Variants in PCDHAC1 observed in about 807,000 individuals in gnomAD.
The protein encoded by PCDHAC1 is protocadherin alpha-C1.
A neutral mutation model predicts 60.0 loss-of-function variants in PCDHAC1; 42 were observed. The ratio of observed to expected loss-of-function variants is 0.70; its 90% CI spans 0.55 to 0.90. The LOEUF (loss-of-function observed/expected upper bound fraction) is 0.90, where lower values mean the gene tolerates loss of function less well. Ranked by LOEUF, PCDHAC1 falls within the 40% of genes least tolerant of loss-of-function variation. The probability of loss-of-function intolerance (pLI) is 0.00; values close to 1 mark genes in which losing one functional copy is unlikely to be tolerated. For synonymous variants in PCDHAC1, 468 were observed against 499.3 expected (o/e 0.94, Z 0.84); for missense variants, 1,160 against 1,222.3 (o/e 0.95, Z 0.76).
intron 1 of PCDHAC1, among the ~76,000 whole-genome samples, chr5:140,941,255 C>CTTTCTTTCTT (rs782490896): frequency 0.012 from 539 of 44,464 alleles, 5 homozygotes; most frequent in Middle Eastern, 0.036. Context: ...TTCTTTCTTT[C>CTTTCTTTCTT]TCTTTCTTTC....
intron 3 of PCDHAC1, among the ~76,000 whole-genome samples, chr5:141,004,743 T>G (rs1554259718): frequency 6.6e-6 from 1 of 152,182 alleles, no homozygotes; most frequent in Admixed American, 6.5e-5. Flanking sequence ...CTCTTTTGTC[T>G]CAGTCTCTTA....
At position 140,928,137 on chromosome 5, in the gene PCDHAC1, C is replaced by A. The variant is rs537220203; in HGVS notation, c.1245C>A (p.Ile415=). 6.2e-7 allele frequency: 1 copy of A among 1,614,182 alleles called. No homozygotes were observed. Among genetic ancestry groups the A allele is most frequent in the South Asian group, 1.1e-5 (1 of 91,084 alleles). ...AGATCAGTGAATACCAAGTCCTGAT[C>A]ACGGCCTCAGATAGTGGCTCACCCC... ...REQISEYQVL[I]TASDSGSPPL... The change falls in exon 1 of 4, where the codon ATC becomes ATA. Residue 415 remains isoleucine, a synonymous_variant. Coordinates refer to ENST00000253807, the MANE Select transcript of PCDHAC1 (RefSeq NM_018898.5).
At chr5:140,957,674 T>C (rs2095374808) in intron 1 of PCDHAC1, among the ~76,000 whole-genome samples, 1 of 152,084 alleles carries the variant, frequency 6.6e-6, no homozygotes, top group African/African-American at 2.4e-5. Flanking sequence ...AAATTAATTA[T>C]GAAATATCTA....
rs782114974 is a variant in PCDHAC1, at chr5:140,926,857, T to C, written c.-36T>C. 12 of 1,520,736 alleles carry C rather than the reference T, an allele frequency of 7.9e-6. No homozygotes were observed. Among genetic ancestry groups the C allele is most frequent in the Admixed American group, 2.2e-5 (1 of 46,068 alleles). 94.2% of individuals were successfully genotyped at this position (1,520,736 alleles called of 1,614,324 possible). On this transcript the variant is annotated 5_prime_UTR_variant, in exon 1 of 4. Transcript: ENST00000253807. ...GCATGGTCCTGGGTCACCGTTGGTGTAGCGTGTTGGTGGAACGTGGACGCC... is the reference window on the plus strand; with the variant it reads ...GCATGGTCCTGGGTCACCGTTGGTGCAGCGTGTTGGTGGAACGTGGACGCC...
intron 3 of PCDHAC1, among the ~76,000 whole-genome samples, chr5:141,004,046 C>A (rs79317939): frequency 0.03 from 4,581 of 152,294 alleles, 86 homozygotes; most frequent in Non-Finnish European, 0.047. Flanking sequence ...TGATCATTTG[C>A]TGATACTGGC....
chr5:140,967,698 A>T, intron 1 of PCDHAC1: 1 of 1,614,174 alleles, frequency 6.2e-7, no homozygotes, highest in Non-Finnish European at 8.5e-7. Context: ...TTCAGCATAG[A>T]TGCCAGTACC....
chr5:140,980,102 C>A (rs782586995), intron 2 of PCDHAC1, among the ~76,000 whole-genome samples: 1 of 152,192 alleles, frequency 6.6e-6, no homozygotes, highest in Non-Finnish European at 1.5e-5. Flanking sequence ...GGTAAGATGT[C>A]ACATTGGAAC....
intron 1 of PCDHAC1, chr5:140,969,141 G>A: frequency 6.2e-7 from 1 of 1,614,158 alleles, no homozygotes; most frequent in South Asian, 1.1e-5. Flanking sequence ...AAGACCTACT[G>A]CTACAAGGCC....
chr5:140,996,531 G>A (rs782175834), intron 3 of PCDHAC1, among the ~76,000 whole-genome samples: 1 of 152,146 alleles, frequency 6.6e-6, no homozygotes, highest in African/African-American at 2.4e-5. Context: ...GGCCCTGTGT[G>A]TTTTGATATT....
At chr5:141,006,390 T>G (rs539931677) in intron 3 of PCDHAC1, among the ~76,000 whole-genome samples, 149 of 152,058 alleles carry the variant, frequency 9.8e-4, no homozygotes, top group African/African-American at 3.0e-3. Context: ...TTTTTTCTAT[T>G]TTTTAGTAGA....
chr5:140,994,515 C>A (rs1450335712), intron 3 of PCDHAC1, among the ~76,000 whole-genome samples: 1 of 150,238 alleles, frequency 6.7e-6, no homozygotes, highest in African/African-American at 2.5e-5. Context: ...ACAGCCTGGG[C>A]AACATGGCAA....
intron 1 of PCDHAC1, among the ~76,000 whole-genome samples, chr5:140,950,613 A>G (rs980395914): frequency 3.3e-5 from 5 of 152,064 alleles, no homozygotes; most frequent in African/African-American, 1.2e-4. Context: ...TGATGTGCTT[A>G]TTTATGCTTT....
At chr5:140,972,925 G>T (rs1297920795) in intron 1 of PCDHAC1, among the ~76,000 whole-genome samples, 1 of 152,120 alleles carries the variant, frequency 6.6e-6, no homozygotes, top group Non-Finnish European at 1.5e-5. Context: ...GCCTCCCAAA[G>T]TGCTGGGATT....
At chr5:140,982,671 G>T in intron 3 of PCDHAC1, 108 bp downstream of exon 3, 1 of 1,454,062 alleles carries the variant, frequency 6.9e-7, no homozygotes, top group South Asian at 1.4e-5. Context: ...TTATATTTTT[G>T]TTATTCCCTT....
In PCDHAC1 at chr5:140,927,105, CAGCGG is replaced by C; in HGVS notation, c.214_218del (p.Ser72GlnfsTer46). The C allele has an allele frequency of 6.2e-7, 1 of 1,613,778 alleles. No individual in the cohort carries two copies. Among genetic ancestry groups the C allele is most frequent in the Non-Finnish European group, 8.5e-7 (1 of 1,179,814 alleles). On this transcript the variant is annotated frameshift_variant, in exon 1 of 4. Transcript: ENST00000253807. LOFTEE classifies it high-confidence loss of function. The stretch of plus-strand genomic sequence containing the variant: ...AGCTCTACTTCGGGGTGGATCTACC[CAGCGG>C]CAATTTGGTGGTCAGAGAGCCGGCG...
chr5:141,007,079 TAGAGA>T (rs1308407580), intron 3 of PCDHAC1, among the ~76,000 whole-genome samples: 1 of 151,804 alleles, frequency 6.6e-6, no homozygotes, highest in African/African-American at 2.4e-5. Flanking sequence ...GAAGAGAAAA[TAGAGA>T]AGAGAGTCTA....
Position 140,926,757 on chromosome 5 carries a change from A to T in PCDHAC1, c.-136A>T. 7.8e-7 allele frequency: 1 copy of T among 1,278,278 alleles called. No homozygotes were observed. Among genetic ancestry groups the T allele is most frequent in the Non-Finnish European group, 1.0e-6 (1 of 990,590 alleles). The allele number at this position is 1,278,278 out of a possible 1,614,324, so 79.2% of individuals were successfully genotyped here. A position where few individuals can be genotyped will look rare whatever the true frequency, so the allele number is the denominator to read the frequency against. The stretch of plus-strand genomic sequence containing the variant: ...GGAGGCGCAACGTCGGCGGTCGCTG[A>T]GTATCCAGCCCGCAGCAGTGACGGC... On this transcript the variant is annotated 5_prime_UTR_variant, in exon 1 of 4. The change abolishes the stop of an existing upstream ORF in the 5' untranslated region. Coordinates refer to ENST00000253807, the MANE Select transcript of PCDHAC1 (RefSeq NM_018898.5).
chr5:140,960,788 G>A (rs1268913888), intron 1 of PCDHAC1, among the ~76,000 whole-genome samples: 1 of 152,086 alleles, frequency 6.6e-6, no homozygotes, highest in Non-Finnish European at 1.5e-5. Context: ...GCCAAACAAG[G>A]TTTCTATTAA....
At chr5:140,982,207 C>T (rs868956427) in intron 2 of PCDHAC1, 8 of 429,564 alleles carry the variant, frequency 1.9e-5, no homozygotes, top group East Asian at 1.5e-4. Flanking sequence ...ATTTAGTGAG[C>T]GCCACATGGC....
Sources: allele counts gnomAD v4.1 joint callset (sites outside exome capture counted in the v4.1 genomes callset), GRCh38; gene constraint gnomAD v4.1.1; transcripts MANE v1.5; gene names NCBI Gene and HGNC (gene_info 2026-07-23, HGNC 2026-07-21).